Variants in BMP5 observed in about 807,000 individuals in gnomAD.
BMP5 encodes the protein bone morphogenetic protein 5.
Under a neutral mutation model 46.6 loss-of-function variants are expected in BMP5, and 23 were observed. That is an observed-to-expected ratio of 0.49 (90% confidence interval 0.35 to 0.70). The LOEUF (loss-of-function observed/expected upper bound fraction) is 0.70, where lower values mean the gene tolerates loss of function less well. BMP5 is among the 30% of genes least tolerant of loss of function. The probability of loss-of-function intolerance (pLI) is 0.00; values close to 1 mark genes in which losing one functional copy is unlikely to be tolerated. For missense variants in BMP5, 545 were observed against 565.6 expected, an observed-to-expected ratio of 0.96 and a Z score of 0.37; for synonymous variants, 204 against 191.9, an observed-to-expected ratio of 1.06 and a Z score of -0.52.
chr6:55,842,540 G>C (rs1776987207), intron 1 of BMP5, among the ~76,000 whole-genome samples: 1 of 151,872 alleles, frequency 6.6e-6, no homozygotes, highest in Non-Finnish European at 1.5e-5. Context: ...TAGAAAATTC[G>C]AACTGCCTCA....
chr6:55,798,798 G>A (rs546987243), intron 2 of BMP5, among the ~76,000 whole-genome samples: 2 of 152,194 alleles, frequency 1.3e-5, no homozygotes, highest in Admixed American at 1.3e-4. Flanking sequence ...TTATACATGG[G>A]CTATTGGTAT....
intron 1 of BMP5, among the ~76,000 whole-genome samples, chr6:55,863,928 G>T (rs745524896): frequency 1.3e-5 from 2 of 152,068 alleles, no homozygotes; most frequent in Non-Finnish European, 1.5e-5. Flanking sequence ...CTAGGTTTGT[G>T]TAAGTACACT....
intron 3 of BMP5, among the ~76,000 whole-genome samples, chr6:55,780,424 T>C (rs1775282197): frequency 7.9e-6 from 1 of 126,842 alleles, no homozygotes; most frequent in Non-Finnish European, 1.6e-5. Flanking sequence ...ATCGAGACCA[T>C]TCTGGTTAAC....
chr6:55,829,122 C>T (rs1010338571), intron 1 of BMP5, among the ~76,000 whole-genome samples: 3 of 151,702 alleles, frequency 2.0e-5, no homozygotes, highest in African/African-American at 7.3e-5. Flanking sequence ...ATAGGAGTAG[C>T]TGATGTTCTG....
chr6:55,846,877 G>A (rs1473221575), intron 1 of BMP5, among the ~76,000 whole-genome samples: 2 of 150,706 alleles, frequency 1.3e-5, no homozygotes, highest in Non-Finnish European at 3.0e-5. Flanking sequence ...TATGCCTCAG[G>A]TGATATTTTA....
intron 5 of BMP5, 152 bp downstream of exon 5, chr6:55,760,305 G>A: frequency 1.4e-6 from 1 of 716,636 alleles, no homozygotes; most frequent in Non-Finnish European, 2.4e-6. Flanking sequence ...GGTTAATTGA[G>A]AAATGAAAAT....
intron 3 of BMP5, among the ~76,000 whole-genome samples, chr6:55,791,268 A>C (rs933525492): frequency 2.0e-5 from 3 of 152,190 alleles, no homozygotes; most frequent in Non-Finnish European, 4.4e-5. Context: ...GCAGTTAATA[A>C]AACTAAGGTG....
At chr6:55,798,718 C>G (rs1271288668) in intron 2 of BMP5, among the ~76,000 whole-genome samples, 1 of 152,184 alleles carries the variant, frequency 6.6e-6, no homozygotes, top group Non-Finnish European at 1.5e-5. Context: ...TATATACATA[C>G]ATTTATTGTC....
intron 1 of BMP5, among the ~76,000 whole-genome samples, chr6:55,842,170 G>T (rs1238165073): frequency 6.6e-6 from 1 of 152,144 alleles, no homozygotes; most frequent in Non-Finnish European, 1.5e-5. Context: ...AATGTCTGGT[G>T]AATCCTCTTA....
intron 1 of BMP5, among the ~76,000 whole-genome samples, chr6:55,856,070 A>C (rs895568515): frequency 2.0e-5 from 3 of 152,176 alleles, no homozygotes; most frequent in Admixed American, 6.6e-5. Flanking sequence ...TAATCCCTGG[A>C]AAATACTAAT....
intron 1 of BMP5, chr6:55,865,363 CT>C: frequency 2.1e-6 from 1 of 480,192 alleles, no homozygotes. Context: ...CAGGTAATAT[CT>C]AAAATTAAAG....
intron 1 of BMP5, among the ~76,000 whole-genome samples, chr6:55,853,509 T>A (rs1777306856): frequency 6.6e-6 from 1 of 152,160 alleles, no homozygotes; most frequent in South Asian, 2.1e-4. Flanking sequence ...CTGTAGAGGA[T>A]TTAAAAACAG....
intron 1 of BMP5, among the ~76,000 whole-genome samples, chr6:55,836,631 T>TACAC (rs61358651): frequency 0.032 from 4,483 of 139,538 alleles, 140 homozygotes; most frequent in East Asian, 0.088. Context: ...CATACATACA[T>TACAC]ACACACACAC....
intron 1 of BMP5, among the ~76,000 whole-genome samples, chr6:55,834,498 C>T (rs9475419): frequency 6.6e-6 from 1 of 152,012 alleles, no homozygotes; most frequent in Admixed American, 6.6e-5. Flanking sequence ...TCAAAGGGAA[C>T]CTTGCACTCA....
intron 1 of BMP5, among the ~76,000 whole-genome samples, chr6:55,850,695 G>A (rs886144136): frequency 1.3e-5 from 2 of 152,054 alleles, no homozygotes; most frequent in African/African-American, 4.8e-5. Flanking sequence ...TTCATCATAA[G>A]CCATGTCTGT....
In BMP5 at chr6:55,860,476, T is replaced by C. The variant is rs192264209; in HGVS notation, c.490+13900A>G. Among the ~76,000 whole-genome samples the C allele has an allele frequency of 5.3e-3, 814 of 152,326 alleles. 3 individuals are homozygous for C. Among genetic ancestry groups the C allele is most frequent in the Non-Finnish European group, 8.9e-3 (604 of 68,036 alleles). ...TGACTTATTCATAAGTTCATCTGAC[T>C]TCCTAAGCATGTCTCAGACTAAATA... is the stretch of plus-strand genomic sequence containing the variant. On this transcript the variant is annotated intron_variant, in intron 1 of 6. Coordinates refer to ENST00000370830, the MANE Select transcript of BMP5 (RefSeq NM_021073.4).
At chr6:55,771,322 A>G (rs1237497713) in intron 4 of BMP5, among the ~76,000 whole-genome samples, 1 of 151,824 alleles carries the variant, frequency 6.6e-6, no homozygotes, top group African/African-American at 2.4e-5. Flanking sequence ...CTTTCCTCTC[A>G]TACACAAATT....
intron 1 of BMP5, among the ~76,000 whole-genome samples, chr6:55,847,116 T>A (rs1214844863): frequency 1.3e-5 from 2 of 151,928 alleles, no homozygotes; most frequent in East Asian, 3.9e-4. Context: ...TTTATCGATG[T>A]AAAATATAAT....
intron 4 of BMP5, among the ~76,000 whole-genome samples, chr6:55,763,661 T>A (rs926880445): frequency 6.6e-6 from 1 of 152,152 alleles, no homozygotes; most frequent in African/African-American, 2.4e-5. Flanking sequence ...TGCCTACAAA[T>A]GAAGAGTCAT....
Sources: allele counts gnomAD v4.1 joint callset (sites outside exome capture counted in the v4.1 genomes callset), GRCh38; gene constraint gnomAD v4.1.1; transcripts MANE v1.5; gene names NCBI Gene and HGNC (gene_info 2026-07-23, HGNC 2026-07-21).